NFIB: variants seen among roughly 807,000 people sequenced by gnomAD.
NFIB encodes nuclear factor 1 B-type.
NFIB carries 11 observed loss-of-function variants against 61.5 expected under a neutral mutation model. The observed-to-expected ratio is 0.18, with a 90% CI of 0.11 to 0.30. The LOEUF (loss-of-function observed/expected upper bound fraction) is 0.30, where lower values mean the gene tolerates loss of function less well. Ranked by LOEUF, NFIB falls within the 10% of genes least tolerant of loss-of-function variation. The pLI is 1.00. For missense variants in NFIB, 471 were observed against 608.9 expected, an observed-to-expected ratio of 0.77 and a Z score of 2.38; for synonymous variants, 260 against 216.5, an observed-to-expected ratio of 1.20 and a Z score of -1.76.
At chr9:14,340,202 A>G (rs538370836) in intron 1 of NFIB, among the ~76,000 whole-genome samples, 2 of 152,214 alleles carry the variant, frequency 1.3e-5, no homozygotes, top group African/African-American at 4.8e-5. Context: ...GCATTTTCCT[A>G]CCACATTTTA....
chr9:14,083,016 G>C lies in NFIB; in HGVS notation c.*5293C>G, dbSNP rs549935770. Reference sequence around the variant, plus strand: ...ACCGGTAAGCTAGTGGCACTGAAGCGCTTTTCACAATCTCAACATACATTT... The same window carrying C: ...ACCGGTAAGCTAGTGGCACTGAAGCCCTTTTCACAATCTCAACATACATTT... On this transcript the variant is annotated 3_prime_UTR_variant, in exon 11 of 11. Coordinates refer to ENST00000380953, the MANE Select transcript of NFIB (RefSeq NM_001190737.2). The C allele has an allele frequency of 4.8e-6, 1 of 206,462 alleles. No individual in the cohort carries two copies. Among genetic ancestry groups the C allele is most frequent in the East Asian group, 7.3e-5 (1 of 13,612 alleles). The allele number at this position is 206,462 out of a possible 1,614,324, so 12.8% of individuals were successfully genotyped here.
chr9:14,512,091 T>C, the NFIB span, among the ~76,000 whole-genome samples: 1 of 152,248 alleles, frequency 6.6e-6, no homozygotes. Context: ...TTTATATGTA[T>C]GTTACTATTG....
chr9:14,510,149 G>C, the NFIB span, among the ~76,000 whole-genome samples: 6 of 152,182 alleles, frequency 3.9e-5, no homozygotes, highest in African/African-American at 1.4e-4. Context: ...GCCTGCCTTG[G>C]CCTCCCAAAG....
chr9:14,245,241 A>C (rs1367361769), intron 2 of NFIB, among the ~76,000 whole-genome samples: 1 of 152,164 alleles, frequency 6.6e-6, no homozygotes, highest in African/African-American at 2.4e-5. Flanking sequence ...CAGGTGACGA[A>C]ATTAGAAACA....
intron 1 of NFIB, among the ~76,000 whole-genome samples, chr9:14,329,634 C>T (rs2060797217): frequency 6.6e-6 from 1 of 151,948 alleles, no homozygotes; most frequent in Non-Finnish European, 1.5e-5. Context: ...TCTGCCTCAG[C>T]CTCCCGAGCA....
At chr9:14,428,450 C>G in the NFIB span, among the ~76,000 whole-genome samples, 2 of 152,084 alleles carry the variant, frequency 1.3e-5, no homozygotes, top group African/African-American at 4.8e-5. Context: ...TGATCAAGTT[C>G]CCTTATGTTT....
chr9:14,431,585 A>C, the NFIB span, among the ~76,000 whole-genome samples: 2 of 150,398 alleles, frequency 1.3e-5, no homozygotes, highest in East Asian at 3.9e-4. Flanking sequence ...TTATTCTTTT[A>C]ATTATCAAGG....
upstream of NFIB, among the ~76,000 whole-genome samples, chr9:14,317,652 A>G (rs961162268): frequency 6.6e-6 from 1 of 152,324 alleles, no homozygotes; most frequent in Non-Finnish European, 1.5e-5. Context: ...CCTTGCAGCC[A>G]TGTGGAGAAT....
upstream of NFIB, among the ~76,000 whole-genome samples, chr9:14,317,641 G>A (rs1335678760): frequency 6.6e-6 from 1 of 152,194 alleles, no homozygotes; most frequent in African/African-American, 2.4e-5. Flanking sequence ...GTCTTCTCAG[G>A]CCTTGCAGCC....
chr9:14,370,958 G>C (rs1253065173), intron 1 of NFIB, among the ~76,000 whole-genome samples: 1 of 152,184 alleles, frequency 6.6e-6, no homozygotes. Flanking sequence ...AGCCGGGCAT[G>C]ATGGTGGGCA....
At chr9:14,265,045 A>G (rs1240279311) in intron 2 of NFIB, among the ~76,000 whole-genome samples, 1 of 152,196 alleles carries the variant, frequency 6.6e-6, no homozygotes, top group Admixed American at 6.5e-5. Flanking sequence ...GCTCTGCAAG[A>G]TCAGTCATGA....
intron 6 of NFIB, among the ~76,000 whole-genome samples, chr9:14,133,456 A>C (rs1014776399): frequency 2.0e-5 from 3 of 152,236 alleles, no homozygotes; most frequent in African/African-American, 7.2e-5. Flanking sequence ...AAAATAAATA[A>C]GGTAGTAAAT....
At chr9:14,525,215 C>T in the NFIB span, among the ~76,000 whole-genome samples, 3 of 152,092 alleles carry the variant, frequency 2.0e-5, no homozygotes, top group Non-Finnish European at 2.9e-5. Context: ...CATGAAATGG[C>T]GCTGGAGGGG....
chr9:14,182,708 C>CTCTCTCTCTCTCTGTGTGTG (rs778914837), intron 2 of NFIB, among the ~76,000 whole-genome samples: 1 of 96,992 alleles, frequency 1.0e-5, no homozygotes, highest in African/African-American at 4.4e-5. Flanking sequence ...CTCTCTCTCT[C>CTCTCTCTCTCTCTGTGTGTG]TGTGTGTGTG....
chr9:14,506,395 G>A, the NFIB span, among the ~76,000 whole-genome samples: 258 of 152,208 alleles, frequency 1.7e-3, no homozygotes, highest in Middle Eastern at 3.4e-3. Flanking sequence ...CTTTTAGAGA[G>A]GAACCCCTTG....
At chr9:14,276,333 T>C (rs1055925734) in intron 2 of NFIB, among the ~76,000 whole-genome samples, 2 of 152,130 alleles carry the variant, frequency 1.3e-5, no homozygotes, top group Non-Finnish European at 2.9e-5. Context: ...AAATATTAAA[T>C]AAGATACTTT....
At chr9:14,271,582 G>A (rs575221439) in intron 2 of NFIB, among the ~76,000 whole-genome samples, 23 of 152,180 alleles carry the variant, frequency 1.5e-4, no homozygotes, top group Admixed American at 2.6e-4. Flanking sequence ...TCAGCTGGAC[G>A]AAACACATGC....
chr9:14,202,584 C>A (rs1488275867), intron 2 of NFIB, among the ~76,000 whole-genome samples: 1 of 151,920 alleles, frequency 6.6e-6, no homozygotes, highest in Non-Finnish European at 1.5e-5. Context: ...CAAGAAAAAA[C>A]AAAAGCTAAT....
At chr9:14,517,433 A>C in the NFIB span, among the ~76,000 whole-genome samples, 1 of 152,218 alleles carries the variant, frequency 6.6e-6, no homozygotes, top group East Asian at 1.9e-4. Flanking sequence ...TGCTGCTGAT[A>C]AGGATTATGT....
Sources: allele counts gnomAD v4.1 joint callset (sites outside exome capture counted in the v4.1 genomes callset), GRCh38; gene constraint gnomAD v4.1.1; transcripts MANE v1.5; gene names NCBI Gene and HGNC (gene_info 2026-07-23, HGNC 2026-07-21).